USP34: variants seen among roughly 807,000 people sequenced by gnomAD.
USP34 encodes the protein ubiquitin carboxyl-terminal hydrolase 34.
A neutral mutation model predicts 460.3 loss-of-function variants in USP34; 70 were observed. The observed-to-expected ratio is 0.15, with a 90% CI of 0.13 to 0.19. USP34 has a LOEUF of 0.19. USP34 is among the 10% of genes least tolerant of loss of function. The probability of loss-of-function intolerance (pLI) is 1.00; values close to 1 mark genes in which losing one functional copy is unlikely to be tolerated. For synonymous variants in USP34, 1,647 were observed against 1,405.3 expected, an observed-to-expected ratio of 1.17 and a Z score of -3.85; for missense variants, 3,985 against 4,236.2, an observed-to-expected ratio of 0.94 and a Z score of 1.65.
At chr2:61,439,640 G>A (rs1183744320) in intron 1 of USP34, among the ~76,000 whole-genome samples, 1 of 152,170 alleles carries the variant, frequency 6.6e-6, no homozygotes, top group Non-Finnish European at 1.5e-5. Context: ...CTCCAAGAAG[G>A]CAGCATGGCA....
intron 72 of USP34, among the ~76,000 whole-genome samples, chr2:61,204,806 A>G (rs1196658921): frequency 1.3e-5 from 2 of 152,180 alleles, no homozygotes; most frequent in East Asian, 3.8e-4. Context: ...CATCATTTGG[A>G]AACAAAAGAT....
chr2:61,470,800 G>T lies in USP34; in HGVS notation c.-108C>A. The stretch of plus-strand genomic sequence containing the variant: ...AGGAGGGGGCCGGCCGGCCGGCGGG[G>T]CGGGGAGGCGACTAGGGCGGGCGGC... On this transcript the variant is annotated 5_prime_UTR_variant, in exon 1 of 80. Coordinates refer to ENST00000398571, the MANE Select transcript of USP34 (RefSeq NM_014709.4). 1 of 875,930 alleles carries T rather than the reference G, an allele frequency of 1.1e-6. No homozygotes were observed. Among genetic ancestry groups the T allele is most frequent in the South Asian group, 1.6e-5 (1 of 63,640 alleles). The allele number at this position is 875,930 out of a possible 1,614,324, so 54.3% of individuals were successfully genotyped here.
chr2:61,296,980 T>A, intron 29 of USP34, 55 bp from the exon 30 acceptor site: 1 of 1,527,068 alleles, frequency 6.5e-7, no homozygotes, highest in South Asian at 1.3e-5. Flanking sequence ...GAAAAAGTTT[T>A]AAGTTCAAAT....
chr2:61,201,693 G>C (rs2103764053), intron 75 of USP34, among the ~76,000 whole-genome samples: 1 of 152,244 alleles, frequency 6.6e-6, no homozygotes, highest in African/African-American at 2.4e-5. Context: ...TCCCCTGAAA[G>C]TGTGCACTTG....
intron 8 of USP34, among the ~76,000 whole-genome samples, chr2:61,372,682 G>A (rs991570441): frequency 6.6e-6 from 1 of 152,188 alleles, no homozygotes; most frequent in African/African-American, 2.4e-5. Context: ...CTGCACTCCA[G>A]CTTGGGCAAC....
intron 21 of USP34, among the ~76,000 whole-genome samples, chr2:61,324,878 T>G (rs1691036609): frequency 6.6e-6 from 1 of 152,080 alleles, no homozygotes; most frequent in Non-Finnish European, 1.5e-5. Context: ...TTGGTATAAT[T>G]TATAAATGTA....
At position 61,470,452 on chromosome 2, in the gene USP34, G is replaced by A. The variant is rs1231948264; in HGVS notation, c.43+198C>T. Among the ~76,000 whole-genome samples, 17 of 150,104 alleles carry A rather than the reference G, an allele frequency of 1.1e-4. No homozygotes were observed. The East Asian group carries it at 3.3e-3, about 29-fold the overall frequency. On this transcript the variant is annotated intron_variant, in intron 1 of 79. Coordinates refer to ENST00000398571, the MANE Select transcript of USP34 (RefSeq NM_014709.4). The stretch of plus-strand genomic sequence containing the variant: ...GAGCTCCGCGGCGGCCGCCTCTCGG[G>A]CGCCCAGGTAACCCGGCCGGGCTGG...
chr2:61,237,834 T>C (rs550266270), intron 53 of USP34, among the ~76,000 whole-genome samples: 1 of 151,726 alleles, frequency 6.6e-6, no homozygotes, highest in East Asian at 1.9e-4. Flanking sequence ...CTTCCCAAAG[T>C]GCTTAGATTA....
intron 35 of USP34, 37 bp downstream of exon 35, chr2:61,284,838 A>G (rs1689640628): frequency 6.6e-7 from 1 of 1,504,336 alleles, no homozygotes; most frequent in Non-Finnish European, 9.1e-7. Context: ...TATTCCTGCT[A>G]TACATACACA....
At chr2:61,227,724 CAAACAAACAAACA>C (rs1382177918) in intron 61 of USP34, among the ~76,000 whole-genome samples, 2 of 112,806 alleles carry the variant, frequency 1.8e-5, no homozygotes, top group African/African-American at 4.7e-5. Flanking sequence ...AACAAACAAA[CAAACAAACAAACA>C]AAAAAAAAAC....
At chr2:61,216,235 T>C (rs1363978503) in intron 67 of USP34, among the ~76,000 whole-genome samples, 4 of 152,228 alleles carry the variant, frequency 2.6e-5, no homozygotes, top group African/African-American at 9.6e-5. Context: ...TATAAAAACC[T>C]GGCATGTAGG....
intron 3 of USP34, among the ~76,000 whole-genome samples, chr2:61,396,349 G>C (rs920122766): frequency 6.6e-6 from 1 of 152,138 alleles, no homozygotes; most frequent in African/African-American, 2.4e-5. Context: ...CTTTGACCCA[G>C]CAATTCTAGC....
chr2:61,300,019 A>T (rs1690171405), intron 29 of USP34, among the ~76,000 whole-genome samples: 1 of 152,048 alleles, frequency 6.6e-6, no homozygotes, highest in South Asian at 2.1e-4. Context: ...CCACCAAGTG[A>T]TGTTGTTTTG....
chr2:61,328,855 T>C (rs1691176339), intron 20 of USP34, among the ~76,000 whole-genome samples: 1 of 152,350 alleles, frequency 6.6e-6, no homozygotes, highest in Admixed American at 6.5e-5. Context: ...CCTTTCACTA[T>C]GCCTCTCAAG....
rs927182639 is a variant in USP34 at position 61,221,853 on chromosome 2, TATAAAAATATTCTCTAA to T, written c.7795-264_7795-248del. The T allele has an allele frequency of 1.5e-4, 49 of 335,484 alleles. 1 individual carries two copies. In the Admixed American group the frequency reaches 1.9e-3, roughly 13 times the overall value. 20.8% of individuals were successfully genotyped at this position (335,484 alleles called of 1,614,324 possible). A position where few individuals can be genotyped will look rare whatever the true frequency, so the allele number is the denominator to read the frequency against. On this transcript the variant is annotated intron_variant, in intron 65 of 79. Transcript: ENST00000398571. ...TCAAGAGTATTTTGGAAAAGATAAT[TATAAAAATATTCTCTAA>T]ATTGACAAACACTGTAAATACTTAC...
At chr2:61,321,249 G>C (rs918710108) in intron 21 of USP34, among the ~76,000 whole-genome samples, 7 of 151,936 alleles carry the variant, frequency 4.6e-5, no homozygotes, top group African/African-American at 1.7e-4. Flanking sequence ...GAGGCAGGCA[G>C]ATCATGAGGT....
intron 27 of USP34, among the ~76,000 whole-genome samples, chr2:61,303,937 G>A (rs183576441): frequency 1.2e-4 from 18 of 151,996 alleles, no homozygotes; most frequent in Admixed American, 6.6e-4. Context: ...TCGCTCTGTC[G>A]CCCAGGCTGG....
At chr2:61,224,728 T>A (rs914283472) in intron 62 of USP34, among the ~76,000 whole-genome samples, 2 of 152,154 alleles carry the variant, frequency 1.3e-5, no homozygotes, top group African/African-American at 4.8e-5. Flanking sequence ...TAAAAAAAAA[T>A]TTCTTTTTAG....
intron 33 of USP34, among the ~76,000 whole-genome samples, chr2:61,292,209 T>A (rs1392988774): frequency 6.6e-6 from 1 of 151,984 alleles, no homozygotes; most frequent in Non-Finnish European, 1.5e-5. Flanking sequence ...AAAAAAGTTT[T>A]AAAGGTATAC....
Sources: allele counts gnomAD v4.1 joint callset (sites outside exome capture counted in the v4.1 genomes callset), GRCh38; gene constraint gnomAD v4.1.1; transcripts MANE v1.5; gene names NCBI Gene and HGNC (gene_info 2026-07-23, HGNC 2026-07-21).